The following HDGFL3 variants were observed in gnomAD, a reference collection of about 807,000 sequenced individuals.
The protein encoded by HDGFL3 is HDGF like 3.
Under a neutral mutation model 27.6 loss-of-function variants are expected in HDGFL3, and 6 were observed. The ratio of observed to expected loss-of-function variants is 0.22; its 90% CI spans 0.12 to 0.43. The LOEUF (loss-of-function observed/expected upper bound fraction) is 0.43. Among genes scored for constraint, HDGFL3 ranks in the 20% least tolerant of loss-of-function variants. The pLI is 1.00. For missense variants in HDGFL3, 207 were observed against 250.1 expected (o/e 0.83, Z 1.16); for synonymous variants, 88 against 88.9 (o/e 0.99, Z 0.05).
intron 1 of HDGFL3, among the ~76,000 whole-genome samples, chr15:83,178,099 T>A (rs1473953875): frequency 6.6e-6 from 1 of 152,200 alleles, no homozygotes; most frequent in Non-Finnish European, 1.5e-5. Flanking sequence ...GAAAGGAAAA[T>A]GTATTTGCTT....
In HDGFL3 at chr15:83,133,973, CACAT is replaced by C. The variant is rs1298780565; in HGVS notation, c.*5293_*5296del. On this transcript the variant is annotated 3_prime_UTR_variant, in exon 6 of 6. Coordinates refer to ENST00000299633, the MANE Select transcript of HDGFL3 (RefSeq NM_016073.4). Reference sequence around the variant, plus strand: ...ACCACTGGCCTTAGAGTTCTTCTCTCACATACAAATGCCTCTTTTGATTATGAAT... The same window carrying C: ...ACCACTGGCCTTAGAGTTCTTCTCTCACAAATGCCTCTTTTGATTATGAAT... 9 of 152,186 alleles carry C rather than the reference CACAT, an allele frequency of 5.9e-5. No homozygotes were observed. Among genetic ancestry groups the C allele is most frequent in the Non-Finnish European group, 1.3e-4 (9 of 68,042 alleles). The allele number at this position is 152,186 out of a possible 1,614,324, so 9.4% of individuals were successfully genotyped here. A position where few individuals can be genotyped will look rare whatever the true frequency, so the allele number is the denominator to read the frequency against.
At chr15:83,143,763 A>G (rs1181276481) in intron 5 of HDGFL3, among the ~76,000 whole-genome samples, 1 of 152,192 alleles carries the variant, frequency 6.6e-6, no homozygotes, top group Non-Finnish European at 1.5e-5. Context: ...AGCAGCCACT[A>G]TACTGTAGAA....
At chr15:83,190,207 CAAA>C (rs57723810) in intron 1 of HDGFL3, among the ~76,000 whole-genome samples, 32 of 116,512 alleles carry the variant, frequency 2.7e-4, no homozygotes, top group South Asian at 3.2e-4. Context: ...AACTCTGTCT[CAAA>C]AAAAAAAAAA....
intron 1 of HDGFL3, among the ~76,000 whole-genome samples, chr15:83,206,436 C>A (rs1748470724): frequency 6.6e-6 from 1 of 152,200 alleles, no homozygotes; most frequent in African/African-American, 2.4e-5. Flanking sequence ...AGGATTTCTT[C>A]TAAAACACAA....
At chr15:83,192,730 T>A (rs1596567102) in intron 1 of HDGFL3, among the ~76,000 whole-genome samples, 1 of 152,198 alleles carries the variant, frequency 6.6e-6, no homozygotes, top group East Asian at 1.9e-4. Context: ...GTTTTTTGAG[T>A]CTTAAGATAT....
chr15:83,122,777 T>G (rs2035391758), downstream of HDGFL3: 2 of 1,614,076 alleles, frequency 1.2e-6, no homozygotes, highest in Non-Finnish European at 1.7e-6. Context: ...AACACGAATT[T>G]GCCCTGCTTT....
chr15:83,127,213 A>G (rs2151376405), downstream of HDGFL3: 8 of 801,156 alleles, frequency 1.0e-5, no homozygotes, highest in Admixed American at 2.7e-4. Flanking sequence ...ATAAATAAAA[A>G]TAAAAGTAAA....
intron 1 of HDGFL3, chr15:83,189,429 G>C (rs1314936892): frequency 1.3e-5 from 2 of 152,220 alleles, no homozygotes; most frequent in Non-Finnish European, 2.9e-5. Flanking sequence ...TTGCCTTCTT[G>C]CTTTTCCTTG....
At chr15:83,164,163 A>G in intron 1 of HDGFL3, 88 bp from the exon 2 acceptor site, 1 of 822,312 alleles carries the variant, frequency 1.2e-6, no homozygotes, top group Admixed American at 2.8e-5. Context: ...TAATTTCAAA[A>G]TAAAATCAAT....
chr15:83,157,524 G>A lies in HDGFL3; in HGVS notation c.350C>T (p.Thr117Ile), dbSNP rs199682422. 1.9e-6 allele frequency: 3 copies of A among 1,613,650 alleles called. No individual in the cohort carries two copies. Among genetic ancestry groups the A allele is most frequent in the Non-Finnish European group, 2.5e-6 (3 of 1,179,682 alleles). The part of the protein sequence containing the change: ...SSETEGEGGN[T>I]ADASSEEEGD... ...TTCTTCCTCACTGCTTGCATCTGCA[G>A]TATTTCCACCTTCTCCCTCAGTTTC... Residue 117 changes from threonine to isoleucine, a missense_variant, in exon 4 of 6, where the codon ACT becomes ATT. By Grantham distance (89) the Thr-to-Ile change is moderately conservative (BLOSUM62 -1). Coordinates refer to ENST00000299633, the MANE Select transcript of HDGFL3 (RefSeq NM_016073.4).
rs1596536416 is a variant in HDGFL3, at chr15:83,135,746, C to T, written c.*3524G>A. The T allele has an allele frequency of 6.6e-6, 1 of 152,334 alleles. No homozygotes were observed. The highest frequency in any genetic ancestry group is 2.4e-5 in the African/African-American group (1 of 41,570). The allele number at this position is 152,334 out of a possible 1,614,324, so 9.4% of individuals were successfully genotyped here. A position where few individuals can be genotyped will look rare whatever the true frequency, so the allele number is the denominator to read the frequency against. On this transcript the variant is annotated 3_prime_UTR_variant, in exon 6 of 6. Transcript: ENST00000299633. ...ATGCGGATAATGCTGACATGTCGTA[C>T]TTCTAAATAAATTATAATTTGATTT...
chr15:83,163,108 T>C (rs2037120917), intron 2 of HDGFL3, among the ~76,000 whole-genome samples: 1 of 152,200 alleles, frequency 6.6e-6, no homozygotes, highest in African/African-American at 2.4e-5. Context: ...GTAAATGATG[T>C]ACAGTAAGTC....
chr15:83,121,235 T>A (rs1262800418), intron 3 of HDGFL3, among the ~76,000 whole-genome samples: 1 of 150,822 alleles, frequency 6.6e-6, no homozygotes, highest in Non-Finnish European at 1.5e-5. Flanking sequence ...CATGCCCAGC[T>A]AATTTTTTTT....
Position 83,188,953 on chromosome 15 carries a change from C to T in HDGFL3, c.84+18378G>A, listed in dbSNP as rs376574205. On this transcript the variant is annotated intron_variant, in intron 1 of 5. Coordinates refer to ENST00000299633, the MANE Select transcript of HDGFL3 (RefSeq NM_016073.4). ...CAAGATTCTCCATGTGAGTAAAGGG[C>T]GTCACCATCCACCCAGATGCCCTTA... is the stretch of plus-strand genomic sequence containing the variant. 3.3e-5 allele frequency among the ~76,000 whole-genome samples: 5 copies of T among 152,272 alleles called. No individual in the cohort carries two copies. The East Asian group carries it at 5.8e-4, about 18-fold the overall frequency.
intron 1 of HDGFL3, among the ~76,000 whole-genome samples, chr15:83,178,829 C>T (rs2037346077): frequency 6.6e-6 from 1 of 152,100 alleles, no homozygotes; most frequent in African/African-American, 2.4e-5. Flanking sequence ...GTGATTAATT[C>T]TTCTCTGATA....
exon 4 of HDGFL3, chr15:83,112,800 C>G: frequency 6.2e-7 from 1 of 1,613,472 alleles, no homozygotes; most frequent in Non-Finnish European, 8.5e-7. Flanking sequence ...GTTGCAGTTC[C>G]TGGACTATTG....
intron 5 of HDGFL3, among the ~76,000 whole-genome samples, chr15:83,144,308 A>G (rs2036847079): frequency 6.6e-6 from 1 of 152,206 alleles, no homozygotes; most frequent in Non-Finnish European, 1.5e-5. Flanking sequence ...GCCTTCTGAT[A>G]TAGTCTCCAA....
rs530362689 is a variant in HDGFL3 at position 83,186,272 on chromosome 15, C to G, written c.84+21059G>C. ...AAAATATAATTAATATGGAGTAGCTCTGAAGAAACTACAAAAAGAGTTCAA... is the reference window on the plus strand; with the variant it reads ...AAAATATAATTAATATGGAGTAGCTGTGAAGAAACTACAAAAAGAGTTCAA... On this transcript the variant is annotated intron_variant, in intron 1 of 5. Coordinates refer to ENST00000299633, the MANE Select transcript of HDGFL3 (RefSeq NM_016073.4). Among the ~76,000 whole-genome samples the G allele has an allele frequency of 5.9e-5, 9 of 152,296 alleles. No individual in the cohort carries two copies. The South Asian group carries it at 1.9e-3, about 32-fold the overall frequency.
intron 4 of HDGFL3, among the ~76,000 whole-genome samples, chr15:83,152,298 G>A (rs1455013554): frequency 6.6e-6 from 1 of 152,182 alleles, no homozygotes; most frequent in African/African-American, 2.4e-5. Context: ...GCTCACGCCT[G>A]TAATCCCAGC....
Sources: gnomAD v4.1 joint callset for allele counts (sites outside exome capture counted in the v4.1 genomes callset) on GRCh38, gnomAD v4.1.1 for gene constraint, MANE v1.5 for transcripts, NCBI Gene and HGNC (gene_info 2026-07-23, HGNC 2026-07-21) for gene names.